GRM7: variants seen among roughly 807,000 people sequenced by gnomAD.
GRM7 encodes the protein metabotropic glutamate receptor 7.
GRM7 carries 35 observed loss-of-function variants against 84.5 expected under a neutral mutation model. The observed-to-expected ratio is 0.41, with a 90% CI of 0.32 to 0.55. The LOEUF (loss-of-function observed/expected upper bound fraction) is 0.55, where lower values mean the gene tolerates loss of function less well. Among genes scored for constraint, GRM7 ranks in the 20% least tolerant of loss-of-function variants. GRM7 has a pLI of 0.19. For missense variants in GRM7, 1,003 were observed against 1,194.6 expected, an observed-to-expected ratio of 0.84 and a Z score of 2.36; for synonymous variants, 487 against 455.1, an observed-to-expected ratio of 1.07 and a Z score of -0.89.
chr3:7,722,886 A>G (rs182160591), intron 9 of GRM7, among the ~76,000 whole-genome samples: 147 of 152,322 alleles, frequency 9.7e-4, no homozygotes, highest in Non-Finnish European at 5.6e-4. Context: ...ACTTGACAGT[A>G]TTAATTCTTG....
chr3:7,594,267 C>T (rs528948779), intron 8 of GRM7, among the ~76,000 whole-genome samples: 148 of 152,242 alleles, frequency 9.7e-4, no homozygotes, highest in Non-Finnish European at 1.8e-3. Context: ...CTTGTTGTGT[C>T]CAGATGCCAT....
intron 2 of GRM7, among the ~76,000 whole-genome samples, chr3:7,248,070 A>G (rs1422132197): frequency 6.6e-6 from 1 of 152,216 alleles, no homozygotes. Flanking sequence ...ATAGTTTTTT[A>G]TAAAGTTAAT....
In GRM7 at chr3:7,061,735, C is replaced by T. The variant is rs73112856; in HGVS notation, c.520-84717C>T. 6.5e-3 allele frequency among the ~76,000 whole-genome samples: 984 copies of T among 151,742 alleles called. 11 individuals carry two copies. The highest frequency in any genetic ancestry group is 0.023 in the African/African-American group (953 of 41,480). On this transcript the variant is annotated intron_variant, in intron 1 of 9. Transcript: ENST00000357716. ...AGAACAGAAGCTTACATGTCGAGTG[C>T]TTTGCATACACAACCTCATGTAATA...
At chr3:7,405,534 A>G (rs1029509948) in intron 4 of GRM7, among the ~76,000 whole-genome samples, 1 of 152,174 alleles carries the variant, frequency 6.6e-6, no homozygotes, top group Non-Finnish European at 1.5e-5. Context: ...GAGCGGTGAC[A>G]TGAGTATATT....
intron 2 of GRM7, among the ~76,000 whole-genome samples, chr3:7,163,087 C>T (rs9311980): frequency 0.22 from 33,069 of 151,788 alleles, 3,909 homozygotes; most frequent in African/African-American, 0.32. Context: ...CTACTCCTTT[C>T]GTGCCTATTC....
intron 3 of GRM7, among the ~76,000 whole-genome samples, chr3:7,302,185 AT>A (rs1345733207): frequency 6.6e-6 from 1 of 152,142 alleles, no homozygotes; most frequent in Non-Finnish European, 1.5e-5. Flanking sequence ...ACAAACAATA[AT>A]TTTAAATAAT....
At chr3:6,872,263 C>T (rs1199219024) in intron 1 of GRM7, among the ~76,000 whole-genome samples, 1 of 152,108 alleles carries the variant, frequency 6.6e-6, no homozygotes, top group Non-Finnish European at 1.5e-5. Context: ...AGAAGATTAT[C>T]ACAAAAACTC....
intron 2 of GRM7, among the ~76,000 whole-genome samples, chr3:7,170,530 A>C (rs1397966657): frequency 1.3e-5 from 2 of 152,138 alleles, no homozygotes; most frequent in African/African-American, 4.8e-5. Context: ...AAGTGGTTTA[A>C]TTTTGAAGCA....
intron 2 of GRM7, among the ~76,000 whole-genome samples, chr3:7,217,822 T>C (rs955625041): frequency 4.0e-5 from 6 of 150,788 alleles, no homozygotes; most frequent in African/African-American, 1.5e-4. Context: ...TATAGATGTA[T>C]AGATGTGTGT....
At chr3:7,363,264 C>A (rs1025298068) in intron 4 of GRM7, among the ~76,000 whole-genome samples, 24 of 151,856 alleles carry the variant, frequency 1.6e-4, no homozygotes, top group Non-Finnish European at 2.8e-4. Context: ...ATCACAAAAG[C>A]CATGGTTGCT....
intron 7 of GRM7, among the ~76,000 whole-genome samples, chr3:7,479,853 A>G (rs1409677056): frequency 6.6e-6 from 1 of 152,184 alleles, no homozygotes; most frequent in African/African-American, 2.4e-5. Flanking sequence ...CTCCATCTGT[A>G]ACAGAAAAAA....
intron 4 of GRM7, among the ~76,000 whole-genome samples, chr3:7,382,681 A>G (rs576592627): frequency 3.3e-5 from 5 of 152,238 alleles, no homozygotes; most frequent in Non-Finnish European, 5.9e-5. Flanking sequence ...TGAAAGGAAA[A>G]AAATAAAGTA....
intron 4 of GRM7, among the ~76,000 whole-genome samples, chr3:7,337,042 C>T (rs1189369355): frequency 2.0e-5 from 3 of 151,522 alleles, no homozygotes; most frequent in Non-Finnish European, 4.4e-5. Flanking sequence ...CTAGAAAAAA[C>T]AATAGCATGA....
intron 8 of GRM7, among the ~76,000 whole-genome samples, chr3:7,655,525 G>A (rs1418754546): frequency 1.3e-5 from 2 of 152,132 alleles, no homozygotes; most frequent in Non-Finnish European, 2.9e-5. Flanking sequence ...TGAAGTTGAG[G>A]GTCACTATTT....
intron 4 of GRM7, among the ~76,000 whole-genome samples, chr3:7,344,466 A>T (rs182450095): frequency 6.6e-6 from 1 of 152,236 alleles, no homozygotes; most frequent in Non-Finnish European, 1.5e-5. Context: ...GCGTATATGT[A>T]CCACATTTTC....
chr3:7,145,912 T>A (rs1694094772), intron 1 of GRM7, among the ~76,000 whole-genome samples: 1 of 152,172 alleles, frequency 6.6e-6, no homozygotes, highest in South Asian at 2.1e-4. Context: ...CAAAGGGTAT[T>A]ACAGAGCTAC....
chr3:7,044,132 T>C (rs188941931), intron 1 of GRM7, among the ~76,000 whole-genome samples: 14 of 152,326 alleles, frequency 9.2e-5, no homozygotes, highest in Admixed American at 7.8e-4. Flanking sequence ...TCCAAGTCAC[T>C]GATAAAAATA....
intron 9 of GRM7, among the ~76,000 whole-genome samples, chr3:7,690,277 T>C (rs1354404): frequency 0.32 from 47,998 of 152,012 alleles, 8,170 homozygotes; most frequent in East Asian, 0.7. Flanking sequence ...TACTAGGCTG[T>C]GAGAAAATGT....
intron 7 of GRM7, among the ~76,000 whole-genome samples, chr3:7,504,855 A>G (rs1260285317): frequency 6.6e-6 from 1 of 152,194 alleles, no homozygotes; most frequent in African/African-American, 2.4e-5. Flanking sequence ...ATGCAAAATA[A>G]TTAATTCCAT....
Sources: allele counts gnomAD v4.1 joint callset (sites outside exome capture counted in the v4.1 genomes callset), GRCh38; gene constraint gnomAD v4.1.1; transcripts MANE v1.5; gene names NCBI Gene and HGNC (gene_info 2026-07-23, HGNC 2026-07-21).